Variants in GKAP1 observed in about 807,000 individuals in gnomAD.
GKAP1 encodes the protein G kinase anchoring protein 1, also known as G kinase-anchoring protein 1.
GKAP1 carries 31 observed loss-of-function variants against 56.7 expected under a neutral mutation model. The ratio of observed to expected loss-of-function variants is 0.55; its 90% CI spans 0.41 to 0.74. GKAP1 has a LOEUF of 0.74. Ranked by LOEUF, GKAP1 falls within the 30% of genes least tolerant of loss-of-function variation. The probability of loss-of-function intolerance (pLI) is 0.00; values close to 1 mark genes in which losing one functional copy is unlikely to be tolerated. For missense variants in GKAP1, 364 were observed against 402.3 expected (o/e 0.90, Z 0.82); for synonymous variants, 151 against 138.6 (o/e 1.09, Z -0.63).
At chr9:83,783,336 T>C (rs1044026330) in intron 6 of GKAP1, among the ~76,000 whole-genome samples, 2 of 152,204 alleles carry the variant, frequency 1.3e-5, no homozygotes, top group Non-Finnish European at 2.9e-5. Flanking sequence ...ATGATAGTAA[T>C]GTTGTATAGC....
At chr9:83,741,360 TCACACACACACACACA>T (rs35325635) in intron 12 of GKAP1, among the ~76,000 whole-genome samples, 1 of 48,570 alleles carries the variant, frequency 2.1e-5, no homozygotes, top group Non-Finnish European at 5.9e-5. Flanking sequence ...AATATATCTC[TCACACACACACACACA>T]CACACACACA....
chr9:83,750,173 A>G (rs1943364737), intron 9 of GKAP1, among the ~76,000 whole-genome samples: 1 of 152,198 alleles, frequency 6.6e-6, no homozygotes, highest in Admixed American at 6.5e-5. Flanking sequence ...GAGCATGATT[A>G]CCTGTGACAA....
At chr9:83,788,574 T>G (rs1266006197) in intron 5 of GKAP1, 27 bp downstream of exon 5, 1 of 1,298,804 alleles carries the variant, frequency 7.7e-7, no homozygotes, top group Non-Finnish European at 1.1e-6. Context: ...ACTTCTAAAA[T>G]ATCTAAATCA....
chr9:83,746,535 T>C (rs1005398407), intron 10 of GKAP1, among the ~76,000 whole-genome samples: 1 of 152,064 alleles, frequency 6.6e-6, no homozygotes, highest in Non-Finnish European at 1.5e-5. Context: ...ACCCCGTCTC[T>C]AGTAAAAATA....
At chr9:83,793,195 A>G (rs777169983) in intron 4 of GKAP1, among the ~76,000 whole-genome samples, 3 of 152,218 alleles carry the variant, frequency 2.0e-5, no homozygotes, top group Non-Finnish European at 4.4e-5. Flanking sequence ...TCCAAACAAA[A>G]TAAATTCCAA....
At position 83,788,584 on chromosome 9, in the gene GKAP1, A is replaced by G; in HGVS notation, c.438+17T>C. The G allele has an allele frequency of 7.3e-7, 1 of 1,368,466 alleles. No homozygotes were observed. The highest frequency in any genetic ancestry group is 1.3e-5 in the South Asian group (1 of 78,616). 84.8% of individuals were successfully genotyped at this position (1,368,466 alleles called of 1,614,324 possible). On this transcript the variant is annotated intron_variant, in intron 5 of 12. Coordinates refer to ENST00000376371, the MANE Select transcript of GKAP1 (RefSeq NM_025211.4). ...CTTAAACTTCTAAAATATCTAAATCAGTAAGTATGTAAATACCTTTTTGTG... is the reference window on the plus strand; with the variant it reads ...CTTAAACTTCTAAAATATCTAAATCGGTAAGTATGTAAATACCTTTTTGTG...
chr9:83,786,867 C>G (rs1437613425), intron 5 of GKAP1, among the ~76,000 whole-genome samples: 4 of 152,196 alleles, frequency 2.6e-5, no homozygotes, highest in Non-Finnish European at 5.9e-5. Flanking sequence ...TCTAAGGATA[C>G]AGGTAATCCT....
At chr9:83,770,309 C>T (rs931972181) in intron 7 of GKAP1, among the ~76,000 whole-genome samples, 1 of 152,108 alleles carries the variant, frequency 6.6e-6, no homozygotes, top group Non-Finnish European at 1.5e-5. Context: ...GTTCTGTGAT[C>T]CATTTTGAGT....
At chr9:83,813,444 T>C (rs1454082533) in intron 2 of GKAP1, among the ~76,000 whole-genome samples, 1 of 152,206 alleles carries the variant, frequency 6.6e-6, no homozygotes, top group East Asian at 1.9e-4. Context: ...CTCCTCCCTT[T>C]GAGTTCCTTT....
chr9:83,814,434 T>C (rs1944554580), intron 2 of GKAP1, among the ~76,000 whole-genome samples: 1 of 152,256 alleles, frequency 6.6e-6, no homozygotes, highest in Admixed American at 6.5e-5. Flanking sequence ...TGAAGCGTTC[T>C]CTGACCTGTT....
chr9:83,797,272 T>C (rs1039370801), intron 4 of GKAP1, among the ~76,000 whole-genome samples: 2 of 152,230 alleles, frequency 1.3e-5, no homozygotes, highest in South Asian at 2.1e-4. Flanking sequence ...AAGTTTTCCA[T>C]GTCCAGCTTT....
rs531927131 is a variant in GKAP1 at position 83,816,731 on chromosome 9, G to A, written c.-44+265C>T. 5.9e-5 allele frequency among the ~76,000 whole-genome samples: 9 copies of A among 152,316 alleles called. No individual in the cohort carries two copies. The East Asian group carries it at 1.5e-3, about 26-fold the overall frequency. On this transcript the variant is annotated intron_variant, in intron 2 of 12. Transcript: ENST00000376371. ...GTGTAAGACAGACGATCTTTCATTA[G>A]TTCTTCTAATGAAAGCACTTGCATC... is the stretch of plus-strand genomic sequence containing the variant.
At chr9:83,791,193 G>T (rs1376201289) in intron 4 of GKAP1, among the ~76,000 whole-genome samples, 1 of 152,120 alleles carries the variant, frequency 6.6e-6, no homozygotes, top group African/African-American at 2.4e-5. Flanking sequence ...ACAAGGTCAG[G>T]AGATCAAGAC....
At chr9:83,783,980 C>T (rs533101937) in intron 6 of GKAP1, among the ~76,000 whole-genome samples, 48 of 152,078 alleles carry the variant, frequency 3.2e-4, no homozygotes, top group African/African-American at 1.0e-3. Flanking sequence ...GAAATTTAAT[C>T]GCTACCAGGT....
chr9:83,813,689 A>G (rs1432731359), intron 2 of GKAP1, among the ~76,000 whole-genome samples: 1 of 152,258 alleles, frequency 6.6e-6, no homozygotes, highest in African/African-American at 2.4e-5. Flanking sequence ...TTTCAGGGCA[A>G]AATGTGAAAT....
At chr9:83,766,090 T>C (rs760735756) in intron 8 of GKAP1, among the ~76,000 whole-genome samples, 6 of 152,144 alleles carry the variant, frequency 3.9e-5, no homozygotes, top group Non-Finnish European at 8.8e-5. Context: ...TGGGAGATAA[T>C]TGAATTATGG....
chr9:83,792,476 A>C (rs1944176874), intron 4 of GKAP1, among the ~76,000 whole-genome samples: 1 of 152,212 alleles, frequency 6.6e-6, no homozygotes, highest in Non-Finnish European at 1.5e-5. Context: ...GCATATGGGC[A>C]CCTGGACCAA....
intron 2 of GKAP1, among the ~76,000 whole-genome samples, chr9:83,808,453 C>T (rs896046835): frequency 1.3e-5 from 2 of 151,926 alleles, no homozygotes; most frequent in Non-Finnish European, 2.9e-5. Context: ...AAAAATTAGC[C>T]GGGCATAGTG....
chr9:83,743,210 T>C (rs1292779434), intron 10 of GKAP1, among the ~76,000 whole-genome samples: 1 of 152,134 alleles, frequency 6.6e-6, no homozygotes, highest in African/African-American at 2.4e-5. Flanking sequence ...GCAAGATTAA[T>C]TTTTATATCT....
Sources: gnomAD v4.1 joint callset for allele counts (sites outside exome capture counted in the v4.1 genomes callset) on GRCh38, gnomAD v4.1.1 for gene constraint, MANE v1.5 for transcripts, NCBI Gene and HGNC (gene_info 2026-07-23, HGNC 2026-07-21) for gene names.